The following SLC44A1 variants were observed in gnomAD, a reference collection of about 807,000 sequenced individuals.
SLC44A1 encodes choline transporter-like protein 1.
In SLC44A1, 26 loss-of-function variants were observed where a neutral mutation model predicts 79.3. The observed-to-expected ratio is 0.33, with a 90% confidence interval of 0.24 to 0.46. The LOEUF is 0.46. Ranked by LOEUF, SLC44A1 falls within the 20% of genes least tolerant of loss-of-function variation. The pLI is 1.00. For synonymous variants in SLC44A1, 263 were observed against 286.2 expected (o/e 0.92, Z 0.82); for missense variants, 688 against 798.1 (o/e 0.86, Z 1.66).
intron 13 of SLC44A1, among the ~76,000 whole-genome samples, chr9:105,375,991 T>C (rs1828268927): frequency 2.0e-5 from 3 of 152,154 alleles, no homozygotes; most frequent in Admixed American, 2.0e-4. Context: ...TTACATCATA[T>C]ACATTTTCCA....
At chr9:105,289,114 G>A (rs1445259016) in intron 1 of SLC44A1, among the ~76,000 whole-genome samples, 1 of 152,216 alleles carries the variant, frequency 6.6e-6, no homozygotes, top group Non-Finnish European at 1.5e-5. Context: ...TGTAGGGGAA[G>A]CGGTAAGGCC....
In SLC44A1 at chr9:105,392,651, A is replaced by G. The variant is rs1828792287; in HGVS notation, c.*3595A>G. The G allele has an allele frequency of 1.0e-6, 1 of 985,316 alleles. No individual in the cohort carries two copies. Among genetic ancestry groups the G allele is most frequent in the African/African-American group, 1.7e-5 (1 of 57,294 alleles). 61.0% of individuals were successfully genotyped at this position (985,316 alleles called of 1,614,324 possible). ...GCTACAGGAACTGCAGGCACCACAT[A>G]TGTGTGAGGCCACATCACTGCCCCT... On this transcript the variant is annotated 3_prime_UTR_variant, in exon 16 of 16. Transcript: ENST00000374720.
At chr9:105,319,362 G>C (rs1026178847) in intron 3 of SLC44A1, among the ~76,000 whole-genome samples, 1 of 152,184 alleles carries the variant, frequency 6.6e-6, no homozygotes, top group African/African-American at 2.4e-5. Flanking sequence ...AGCTTCCATT[G>C]TTGTCTCCCT....
In SLC44A1 at chr9:105,265,170, G is replaced by A. The variant is rs557003280; in HGVS notation, c.36+20266G>A. 7.2e-5 allele frequency among the ~76,000 whole-genome samples: 11 copies of A among 152,060 alleles called. 1 individual carries two copies. The highest frequency in any genetic ancestry group is 2.1e-4 in the South Asian group (1 of 4,802). On this transcript the variant is annotated intron_variant, in intron 1 of 15. Transcript: ENST00000374720. ...TTAGTTTATTTTTTAATTTACATAC[G>A]GTACAATTCACTTTTTGTTCTACAG...
At chr9:105,363,383 G>A (rs140103535) in intron 9 of SLC44A1, among the ~76,000 whole-genome samples, 2,028 of 149,228 alleles carry the variant, frequency 0.014, 42 homozygotes, top group African/African-American at 0.047. Context: ...GGCTGGTCTC[G>A]AACTCCTGAC....
chr9:105,422,740 A>AT (rs745962489), intron 15 of SLC44A1, among the ~76,000 whole-genome samples: 4 of 152,078 alleles, frequency 2.6e-5, no homozygotes, highest in African/African-American at 7.2e-5. Context: ...GGCAAAGCCT[A>AT]TTTTCAGTGT....
intron 1 of SLC44A1, among the ~76,000 whole-genome samples, chr9:105,250,513 A>G (rs1829559164): frequency 6.6e-6 from 1 of 152,174 alleles, no homozygotes; most frequent in Non-Finnish European, 1.5e-5. Flanking sequence ...AGAATGAAAT[A>G]TTTCAATTTT....
At chr9:105,304,591 T>C (rs1379373935) in intron 2 of SLC44A1, among the ~76,000 whole-genome samples, 4 of 152,210 alleles carry the variant, frequency 2.6e-5, no homozygotes, top group Non-Finnish European at 5.9e-5. Context: ...TTAAAAATTG[T>C]ACTCTGTGTC....
At chr9:105,425,211 A>G (rs1234099510) in intron 15 of SLC44A1, among the ~76,000 whole-genome samples, 1 of 152,194 alleles carries the variant, frequency 6.6e-6, no homozygotes, top group Non-Finnish European at 1.5e-5. Flanking sequence ...TTGGTGACTA[A>G]ATGGCATTCC....
Position 105,311,524 on chromosome 9 carries a change from C to T in SLC44A1, c.269+1658C>T, listed in dbSNP as rs1308104234. Among the ~76,000 whole-genome samples the T allele has an allele frequency of 2.6e-5, 4 of 152,204 alleles. No homozygotes were observed. In the East Asian group the frequency reaches 7.7e-4, roughly 29 times the overall value. ...TTAACCTTGTGGTGATTCATCTGTTCAGTAGAGCAGGCTGCAAATACTTGG... is the reference window on the plus strand; with the variant it reads ...TTAACCTTGTGGTGATTCATCTGTTTAGTAGAGCAGGCTGCAAATACTTGG... On this transcript the variant is annotated intron_variant, in intron 3 of 15. Transcript: ENST00000374720.
intron 1 of SLC44A1, among the ~76,000 whole-genome samples, chr9:105,281,640 T>C (rs1830355398): frequency 6.6e-6 from 1 of 152,178 alleles, no homozygotes; most frequent in African/African-American, 2.4e-5. Flanking sequence ...ACATAGGGCT[T>C]CCATCAGGGG....
At chr9:105,258,596 G>A (rs1829765187) in intron 1 of SLC44A1, among the ~76,000 whole-genome samples, 2 of 152,244 alleles carry the variant, frequency 1.3e-5, no homozygotes, top group Non-Finnish European at 2.9e-5. Context: ...CTGTTCCAAG[G>A]ACTGCTATAT....
At chr9:105,332,366 C>T (rs1390391312) in intron 3 of SLC44A1, among the ~76,000 whole-genome samples, 1 of 152,090 alleles carries the variant, frequency 6.6e-6, no homozygotes, top group Non-Finnish European at 1.5e-5. Context: ...GCGATCTGCC[C>T]ACCTTGGCCT....
chr9:105,245,555 C>T (rs1010762679), intron 1 of SLC44A1, among the ~76,000 whole-genome samples: 3 of 152,228 alleles, frequency 2.0e-5, no homozygotes, highest in African/African-American at 7.2e-5. Flanking sequence ...GCCCCGCGGC[C>T]TCCCCGCACT....
intron 4 of SLC44A1, among the ~76,000 whole-genome samples, chr9:105,338,459 G>C (rs1826990081): frequency 6.6e-6 from 1 of 152,064 alleles, no homozygotes; most frequent in South Asian, 2.1e-4. Context: ...CAGTGGTCTA[G>C]GCTGTAGTAC....
rs544071638 is a variant in SLC44A1 at position 105,394,095 on chromosome 9, C to G, written c.*5039C>G. On this transcript the variant is annotated 3_prime_UTR_variant, in exon 16 of 16. Transcript: ENST00000374720. ...CATGTCTGTGAACACTCAAAATGCT[C>G]ATAGAATTTCAGGGCCCTCAGACGG... is the stretch of plus-strand genomic sequence containing the variant. 10 of 985,406 alleles carry G rather than the reference C, an allele frequency of 1.0e-5. No individual in the cohort carries two copies. The East Asian group carries it at 1.0e-3, about 101-fold the overall frequency. The allele number at this position is 985,406 out of a possible 1,614,324, so 61.0% of individuals were successfully genotyped here.
intron 15 of SLC44A1, among the ~76,000 whole-genome samples, chr9:105,406,614 C>T (rs1447614526): frequency 6.6e-6 from 1 of 151,994 alleles, no homozygotes; most frequent in African/African-American, 2.4e-5. Context: ...TGGTGGCGTG[C>T]ATCTGTAGTC....
chr9:105,283,168 G>A (rs1830398513), intron 1 of SLC44A1, among the ~76,000 whole-genome samples: 1 of 152,150 alleles, frequency 6.6e-6, no homozygotes, highest in Non-Finnish European at 1.5e-5. Context: ...TCTATTTCCG[G>A]GCATGGAGCG....
chr9:105,338,241 T>G (rs1826982669), intron 4 of SLC44A1, among the ~76,000 whole-genome samples: 1 of 152,244 alleles, frequency 6.6e-6, no homozygotes, highest in Admixed American at 6.5e-5. Context: ...CAACCCTAAG[T>G]TGAAATTTCT....
Sources: gnomAD v4.1 joint callset for allele counts (sites outside exome capture counted in the v4.1 genomes callset) on GRCh38, gnomAD v4.1.1 for gene constraint, MANE v1.5 for transcripts, NCBI Gene and HGNC (gene_info 2026-07-23, HGNC 2026-07-21) for gene names.